KDM2B: variants seen among roughly 807,000 people sequenced by gnomAD.
KDM2B encodes lysine-specific demethylase 2B.
A neutral mutation model predicts 150.0 loss-of-function variants in KDM2B; 26 were observed. The observed-to-expected ratio is 0.17, with a 90% confidence interval of 0.13 to 0.24. The LOEUF (loss-of-function observed/expected upper bound fraction) is 0.24, where lower values mean the gene tolerates loss of function less well. KDM2B is among the 10% of genes least tolerant of loss of function. The pLI, the probability that KDM2B is intolerant of heterozygous loss-of-function variation, is 1.00. For missense variants in KDM2B, 1,265 were observed against 1,816.9 expected (o/e 0.70, Z 5.52); for synonymous variants, 734 against 729.5 (o/e 1.01, Z -0.10).
In KDM2B at chr12:121,549,562, A is replaced by G; in HGVS notation, c.474T>C (p.Arg158=). 1 of 1,613,580 alleles carries G rather than the reference A, an allele frequency of 6.2e-7. No homozygotes were observed. Among genetic ancestry groups the G allele is most frequent in the Non-Finnish European group, 8.5e-7 (1 of 1,179,632 alleles). Residue 158 remains arginine, a synonymous_variant, in exon 5 of 23, where the codon CGT becomes CGC. Transcript: ENST00000377071. The surrounding 1 kb of genome is among the most constrained non-coding windows in gnomAD (Gnocchi z 4.4). The part of the protein sequence containing the change: ...GTEMSMSQFV[R]YYETPEAQRD... ...GCTGGGCCTCGGGCGTCTCGTAGTA[A>G]CGCACAAACTGGGACATGCTCATCT...
intron 12 of KDM2B, among the ~76,000 whole-genome samples, chr12:121,477,371 A>G (rs1441708915): frequency 6.6e-6 from 1 of 151,882 alleles, no homozygotes; most frequent in Non-Finnish European, 1.5e-5. Flanking sequence ...TTATTTTTAT[A>G]TATGTATGTA....
chr12:121,546,597 G>A (rs1410960698), intron 6 of KDM2B, among the ~76,000 whole-genome samples: 1 of 151,094 alleles, frequency 6.6e-6, no homozygotes, highest in Non-Finnish European at 1.5e-5. Context: ...TAGAGACGGG[G>A]TTTCACCATG....
rs782026094 is a variant in KDM2B at position 121,440,048 on chromosome 12, C to A, written c.3638G>T (p.Arg1213Leu). The change falls in exon 22 of 23, where the codon CGG (arginine) becomes CTG (leucine). Residue 1213 changes from arginine (R) to leucine (L), a missense_variant. This residue lies in a region of KDM2B where 251 missense variants were observed against 397.8 expected (regional missense o/e 0.63). Transcript: ENST00000377071. ...TGCCAGGCGCAGCTCCACGATGTTC[C>A]GGAGCTTGCTCCGATTGTCCATCTG... is the stretch of plus-strand genomic sequence containing the variant. ...PGQMDNRSKL[R>L]NIVELRLAGL... 1 of 1,610,412 alleles carries A rather than the reference C, an allele frequency of 6.2e-7. No homozygotes were observed. Among genetic ancestry groups the A allele is most frequent in the Non-Finnish European group, 8.5e-7 (1 of 1,178,536 alleles).
At chr12:121,580,714 C>A in intron 1 of KDM2B, 72 bp downstream of exon 1, 1 of 1,533,496 alleles carries the variant, frequency 6.5e-7, no homozygotes, top group South Asian at 1.3e-5. Context: ...GACCCCCCAC[C>A]TCCGTTCCTG....
rs1374899080 is a variant in KDM2B, at chr12:121,430,167, G to A, written c.*121C>T. The A allele has an allele frequency of 1.2e-6, 2 of 1,614,058 alleles. No individual in the cohort carries two copies. The highest frequency in any genetic ancestry group is 1.7e-6 in the Non-Finnish European group (2 of 1,180,048). On this transcript the variant is annotated 3_prime_UTR_variant, in exon 23 of 23. Transcript: ENST00000377071. This position sits in a 1 kb window ranked among gnomAD's most constrained non-coding sequence, Gnocchi z 4.4. ...AACAGCTTCTCCCTTGGAAAGACTTGCAAAATGGAATTGCGTTGTGGTCTG... is the reference window on the plus strand; with the variant it reads ...AACAGCTTCTCCCTTGGAAAGACTTACAAAATGGAATTGCGTTGTGGTCTG...
intron 12 of KDM2B, among the ~76,000 whole-genome samples, chr12:121,457,855 A>G: frequency 6.6e-6 from 1 of 152,094 alleles, no homozygotes; most frequent in East Asian, 1.9e-4. Context: ...ATCAAGGTTT[A>G]TTCATTCATC....
downstream of KDM2B, among the ~76,000 whole-genome samples, chr12:121,425,987 T>A (rs1872494988): frequency 6.6e-6 from 1 of 152,074 alleles, no homozygotes; most frequent in South Asian, 2.1e-4. Flanking sequence ...CAGGATAGTC[T>A]CAATCTCCTG....
chr12:121,564,826 T>G (rs1890582557), intron 4 of KDM2B, among the ~76,000 whole-genome samples: 1 of 151,886 alleles, frequency 6.6e-6, no homozygotes, highest in Non-Finnish European at 1.5e-5. Flanking sequence ...TTTTTTTCTC[T>G]TTTCTTTTTC....
downstream of KDM2B, among the ~76,000 whole-genome samples, chr12:121,427,265 C>T (rs536526483): frequency 2.4e-4 from 37 of 152,204 alleles, no homozygotes; most frequent in Admixed American, 3.3e-4. Context: ...AGGCTGGGGA[C>T]GGTGGCTCAT....
At chr12:121,446,161 C>G (rs185415303) in intron 13 of KDM2B, among the ~76,000 whole-genome samples, 2 of 152,062 alleles carry the variant, frequency 1.3e-5, no homozygotes, top group African/African-American at 2.4e-5. Flanking sequence ...TTTGGGAGGC[C>G]AAGGCGGGCG....
At chr12:121,470,459 A>C (rs143722940) in intron 12 of KDM2B, 1 of 152,352 alleles carries the variant, frequency 6.6e-6, no homozygotes, top group Non-Finnish European at 1.5e-5. Context: ...AGTCTCTTAT[A>C]TAATACCATC....
At chr12:121,449,750 CA>C (rs1876911570) in intron 13 of KDM2B, among the ~76,000 whole-genome samples, 1 of 152,106 alleles carries the variant, frequency 6.6e-6, no homozygotes, top group African/African-American at 2.4e-5. Context: ...ACCCAGTCTC[CA>C]AAAAATGCAC....
intron 4 of KDM2B, among the ~76,000 whole-genome samples, chr12:121,554,967 C>T (rs563575886): frequency 1.3e-5 from 2 of 152,266 alleles, no homozygotes; most frequent in East Asian, 3.9e-4. Context: ...AGGAGGATCA[C>T]TTAAGCCCAG....
At chr12:121,436,159 T>C (rs1373057794) in intron 22 of KDM2B, among the ~76,000 whole-genome samples, 1 of 152,216 alleles carries the variant, frequency 6.6e-6, no homozygotes, top group Non-Finnish European at 1.5e-5. Flanking sequence ...AACATTTGAC[T>C]ACTTTTGACT....
intron 6 of KDM2B, among the ~76,000 whole-genome samples, chr12:121,545,567 C>T (rs79173933): frequency 0.018 from 2,698 of 152,122 alleles, 55 homozygotes; most frequent in South Asian, 0.042. Flanking sequence ...TCTGTGTCAC[C>T]CAGCGCAGTC....
the KDM2B span, among the ~76,000 whole-genome samples, chr12:121,413,170 C>T: frequency 6.6e-6 from 1 of 150,468 alleles, no homozygotes; most frequent in African/African-American, 2.4e-5. Context: ...GGATTACAGG[C>T]ATCTGCCAAT....
chr12:121,533,075 G>C lies in KDM2B; in HGVS notation c.778-116C>G, dbSNP rs574336025. On this transcript the variant is annotated intron_variant, in intron 7 of 22. Coordinates refer to ENST00000377071, the MANE Select transcript of KDM2B (RefSeq NM_032590.5). The surrounding 1 kb of genome is among the most constrained non-coding windows in gnomAD (Gnocchi z 4.1). ...GCGAGACAAGCTGTGTGTGGGGTGG[G>C]GGGTGTGGAGAGATGGCAGATCCAT... 3.0e-6 allele frequency: 3 copies of C among 1,000,482 alleles called. No homozygotes were observed. Among genetic ancestry groups the C allele is most frequent in the South Asian group, 1.5e-5 (1 of 65,054 alleles). The allele number at this position is 1,000,482 out of a possible 1,614,324, so 62.0% of individuals were successfully genotyped here.
At chr12:121,489,282 A>T (rs56300902) in intron 12 of KDM2B, among the ~76,000 whole-genome samples, 3,410 of 150,798 alleles carry the variant, frequency 0.023, 111 homozygotes, top group African/African-American at 0.077. Flanking sequence ...TTATTTATTT[A>T]TTTTTGAGAC....
intron 12 of KDM2B, among the ~76,000 whole-genome samples, chr12:121,478,866 T>TTGTGTGTGTGTGTGTGTGTGTGTG (rs71874668): frequency 7.6e-4 from 100 of 131,212 alleles, no homozygotes; most frequent in Middle Eastern, 7.7e-3. Context: ...TTTTGTTTGT[T>TTGTGTGTGTGTGTGTGTGTGTGTG]TGTGTGTGTG....
Sources: allele counts gnomAD v4.1 joint callset (sites outside exome capture counted in the v4.1 genomes callset), GRCh38; gene constraint gnomAD v4.1.1; regional missense constraint gnomAD v4.1.1; non-coding constraint Gnocchi (gnomAD v3.1); transcripts MANE v1.5; gene names NCBI Gene and HGNC (gene_info 2026-07-23, HGNC 2026-07-21).